The following THSD7B variants were observed in gnomAD, a reference collection of about 807,000 sequenced individuals.
The protein encoded by THSD7B is thrombospondin type 1 domain containing 7B.
A neutral mutation model predicts 213.6 loss-of-function variants in THSD7B; 138 were observed. That is an observed-to-expected ratio of 0.65 (90% CI 0.56 to 0.74). The LOEUF (loss-of-function observed/expected upper bound fraction) is 0.74, where lower values mean the gene tolerates loss of function less well. Among genes scored for constraint, THSD7B ranks in the 30% least tolerant of loss-of-function variants. The probability of loss-of-function intolerance (pLI) is 0.00; values close to 1 mark genes in which losing one functional copy is unlikely to be tolerated. For synonymous variants in THSD7B, 742 were observed against 687.0 expected, an observed-to-expected ratio of 1.08 and a Z score of -1.25; for missense variants, 1,931 against 1,991.5, an observed-to-expected ratio of 0.97 and a Z score of 0.58.
chr2:137,454,294 AT>A (rs1220617966), intron 15 of THSD7B, among the ~76,000 whole-genome samples: 1 of 152,194 alleles, frequency 6.6e-6, no homozygotes, highest in Non-Finnish European at 1.5e-5. Context: ...GATCAGGACA[AT>A]AAGTCCTTTC....
At chr2:137,019,417 G>A (rs6430674) in intron 2 of THSD7B, among the ~76,000 whole-genome samples, 15,801 of 152,166 alleles carry the variant, frequency 0.1, 1,104 homozygotes, top group East Asian at 0.33. Context: ...CAGTTACCAC[G>A]GAATAACTTC....
chr2:137,050,745 T>A (rs1008599083), intron 2 of THSD7B, among the ~76,000 whole-genome samples: 5 of 152,234 alleles, frequency 3.3e-5, no homozygotes, highest in African/African-American at 4.8e-5. Flanking sequence ...GAATGTTTTT[T>A]ATTTTTTTAA....
intron 7 of THSD7B, among the ~76,000 whole-genome samples, chr2:137,200,681 A>G (rs1680857402): frequency 6.6e-6 from 1 of 151,766 alleles, no homozygotes; most frequent in Non-Finnish European, 1.5e-5. Context: ...AAGAAACAGG[A>G]TCTTACTCTG....
At chr2:137,526,491 A>G (rs1317931267) in intron 15 of THSD7B, among the ~76,000 whole-genome samples, 1 of 151,936 alleles carries the variant, frequency 6.6e-6, no homozygotes, top group Admixed American at 6.6e-5. Flanking sequence ...GTGCAATCTC[A>G]TCTCACTGCA....
chr2:136,913,576 C>G (rs1255342754), intron 2 of THSD7B, among the ~76,000 whole-genome samples: 1 of 152,208 alleles, frequency 6.6e-6, no homozygotes, highest in African/African-American at 2.4e-5. Flanking sequence ...GCCCAGGATC[C>G]CCATGCTGCA....
intron 3 of THSD7B, among the ~76,000 whole-genome samples, chr2:137,070,341 GA>G (rs1687456759): frequency 1.3e-5 from 2 of 151,194 alleles, no homozygotes; most frequent in Non-Finnish European, 3.0e-5. Flanking sequence ...TAGTTTATTT[GA>G]ACAAATTCCT....
At chr2:137,455,123 A>C (rs2105071881) in intron 15 of THSD7B, among the ~76,000 whole-genome samples, 1 of 152,270 alleles carries the variant, frequency 6.6e-6, no homozygotes, top group Admixed American at 6.5e-5. Context: ...TTTTGAGGGC[A>C]AGGGCTGTCT....
intron 12 of THSD7B, among the ~76,000 whole-genome samples, chr2:137,390,135 T>C (rs770833742): frequency 4.6e-5 from 7 of 152,192 alleles, no homozygotes; most frequent in African/African-American, 7.2e-5. Context: ...GCAGATTGCT[T>C]TGGGTAGTGT....
chr2:137,124,118 A>G (rs1481130409), intron 5 of THSD7B, among the ~76,000 whole-genome samples: 1 of 152,196 alleles, frequency 6.6e-6, no homozygotes, highest in East Asian at 1.9e-4. Context: ...TTCTGAGAGT[A>G]GAAGATTACA....
intron 7 of THSD7B, among the ~76,000 whole-genome samples, chr2:137,202,433 G>A (rs1434680021): frequency 6.6e-6 from 1 of 152,176 alleles, no homozygotes; most frequent in Non-Finnish European, 1.5e-5. Context: ...AAGACACAGA[G>A]GAGATGGCGA....
chr2:137,123,211 T>C (rs184042884), intron 5 of THSD7B, among the ~76,000 whole-genome samples: 21 of 152,266 alleles, frequency 1.4e-4, no homozygotes, highest in Non-Finnish European at 2.6e-4. Context: ...TCGTGGTGTC[T>C]GGGATCTGGC....
intron 7 of THSD7B, among the ~76,000 whole-genome samples, chr2:137,191,607 C>T (rs1167417786): frequency 6.6e-6 from 1 of 152,028 alleles, no homozygotes; most frequent in Non-Finnish European, 1.5e-5. Context: ...AACACTATTC[C>T]ATCAACCTGG....
chr2:137,185,996 G>A (rs1042364427), intron 7 of THSD7B, among the ~76,000 whole-genome samples: 20 of 152,134 alleles, frequency 1.3e-4, no homozygotes, highest in Non-Finnish European at 2.6e-4. Context: ...GTGATGTTGA[G>A]CATTTTTTCA....
chr2:137,518,519 C>T (rs1299288266), intron 15 of THSD7B, among the ~76,000 whole-genome samples: 6 of 152,108 alleles, frequency 3.9e-5, no homozygotes, highest in African/African-American at 9.7e-5. Context: ...AAAAATTTGG[C>T]GATGAGGTAT....
intron 12 of THSD7B, among the ~76,000 whole-genome samples, chr2:137,327,083 G>T (rs1333499708): frequency 1.3e-5 from 2 of 152,174 alleles, no homozygotes; most frequent in Non-Finnish European, 2.9e-5. Context: ...TCCCTTGGTA[G>T]TGAGTAGTTA....
intron 17 of THSD7B, among the ~76,000 whole-genome samples, chr2:137,576,432 C>T (rs564325036): frequency 3.9e-5 from 6 of 152,128 alleles, no homozygotes; most frequent in African/African-American, 1.4e-4. Flanking sequence ...ATTAGAGGCT[C>T]ATTAAACAGT....
chr2:136,769,630 G>A (rs1681469934), intron 1 of THSD7B, among the ~76,000 whole-genome samples: 1 of 150,748 alleles, frequency 6.6e-6, no homozygotes, highest in Non-Finnish European at 1.5e-5. Flanking sequence ...CTAAAACACA[G>A]TATGTATAAA....
chr2:137,303,061 G>A (rs1348486157), intron 12 of THSD7B, among the ~76,000 whole-genome samples: 1 of 152,142 alleles, frequency 6.6e-6, no homozygotes, highest in Admixed American at 6.5e-5. Flanking sequence ...GGAGTGCAAT[G>A]GCACAATCAT....
At chr2:137,363,995 A>T (rs1685339627) in intron 12 of THSD7B, among the ~76,000 whole-genome samples, 1 of 152,224 alleles carries the variant, frequency 6.6e-6, no homozygotes, top group South Asian at 2.1e-4. Context: ...ATCCTCAATA[A>T]AATACTGGGA....
Sources: gnomAD v4.1 joint callset for allele counts (sites outside exome capture counted in the v4.1 genomes callset) on GRCh38, gnomAD v4.1.1 for gene constraint, MANE v1.5 for transcripts, NCBI Gene and HGNC (gene_info 2026-07-23, HGNC 2026-07-21) for gene names.